Variants in TRAP1 observed in about 807,000 individuals in gnomAD.
TRAP1 encodes heat shock protein 75 kDa, mitochondrial.
A neutral mutation model predicts 89.1 loss-of-function variants in TRAP1; 102 were observed. The observed-to-expected ratio is 1.15, with a 90% CI of 0.98 to 1.35. The LOEUF (loss-of-function observed/expected upper bound fraction) is 1.35, where lower values mean the gene tolerates loss of function less well. Among genes scored for constraint, TRAP1 ranks in the 40% most tolerant of loss-of-function variants. The probability of loss-of-function intolerance (pLI) is 0.00; values close to 1 mark genes in which losing one functional copy is unlikely to be tolerated. For missense variants in TRAP1, 1,256 were observed against 945.3 expected, an observed-to-expected ratio of 1.33 and a Z score of -4.31; for synonymous variants, 508 against 388.0, an observed-to-expected ratio of 1.31 and a Z score of -3.64.
At chr16:3,674,247 C>G (rs1596712233) in intron 9 of TRAP1, 92 bp downstream of exon 9, 1 of 1,516,290 alleles carries the variant, frequency 6.6e-7, no homozygotes, top group South Asian at 1.2e-5. Context: ...TGCCCTCACA[C>G]TGCCATGTTA....
intron 1 of TRAP1, among the ~76,000 whole-genome samples, chr16:3,713,342 G>A (rs568039023): frequency 4.2e-4 from 64 of 152,322 alleles, no homozygotes; most frequent in African/African-American, 1.4e-3. Context: ...ACCACCTACA[G>A]GAGCGGGGTC....
chr16:3,674,202 TG>T, intron 9 of TRAP1, 136 bp downstream of exon 9: 1 of 1,227,590 alleles, frequency 8.1e-7, no homozygotes, highest in Non-Finnish European at 1.1e-6. Flanking sequence ...ATAACAGGCG[TG>T]AGCCACCACA....
chr16:3,662,743 A>T, intron 15 of TRAP1, 139 bp downstream of exon 15: 1 of 796,996 alleles, frequency 1.3e-6, no homozygotes, highest in Non-Finnish European at 2.1e-6. Flanking sequence ...GCAGGGACCC[A>T]CAGGGTCTCC....
chr16:3,698,771 T>G (rs141296693), intron 1 of TRAP1, among the ~76,000 whole-genome samples: 6 of 151,928 alleles, frequency 3.9e-5, no homozygotes, highest in Admixed American at 3.3e-4. Context: ...TGGTGGTGCA[T>G]GCCTGTAGTC....
At chr16:3,669,582 C>G (rs949410825) in intron 11 of TRAP1, among the ~76,000 whole-genome samples, 3 of 151,998 alleles carry the variant, frequency 2.0e-5, no homozygotes, top group African/African-American at 7.3e-5. Flanking sequence ...CACCTGTAAT[C>G]CCAGAACTTT....
Position 3,662,111 on chromosome 16 carries a change from G to A in TRAP1, c.1816C>T (p.His606Tyr). ...TCCAGCACGGTGACCATGGCAGGGT[G>A]GGTGTCCAGTCGGAGGGTCACCTGT... ...NVKVTLRLDT[H>Y]PAMVTVLEMG... The change falls in exon 16 of 18, where the codon CAC (histidine) becomes TAC (tyrosine). Residue 606 changes from histidine to tyrosine, a missense_variant. His to Tyr is a moderately conservative substitution (Grantham distance 83, BLOSUM62 2). Transcript: ENST00000246957. 1 of 1,612,962 alleles carries A rather than the reference G, an allele frequency of 6.2e-7. No homozygotes were observed. The highest frequency in any genetic ancestry group is 8.5e-7 in the Non-Finnish European group (1 of 1,179,734).
rs1332263897 is a variant in TRAP1 at position 3,686,138 on chromosome 16, T to C, written c.331-2A>G. On this transcript the variant is annotated splice_acceptor_variant, in intron 3 of 17. Transcript: ENST00000246957. LOFTEE classifies it high-confidence loss of function. ...GGAGATCAGCTCCCGTATAAACACCTACAGGAATAGAAATGGGAGGCACAG... is the reference window on the plus strand; with the variant it reads ...GGAGATCAGCTCCCGTATAAACACCCACAGGAATAGAAATGGGAGGCACAG... 1 of 1,613,546 alleles carries C rather than the reference T, an allele frequency of 6.2e-7. No individual in the cohort carries two copies. The highest frequency in any genetic ancestry group is 8.5e-7 in the Non-Finnish European group (1 of 1,179,706).
At position 3,674,464 on chromosome 16, in the gene TRAP1, G is replaced by T. The variant is rs13926; in HGVS notation, c.919C>A (p.Arg307Ser). ...AIWMMDPKDVREWQHEEFYRY... is the reference protein window; with the variant it reads ...AIWMMDPKDVSEWQHEEFYRY... Reference sequence around the variant, plus strand: ...TAGAACTCCTCATGTTGCCACTCACGGACATCCTTGGGGTCCATCATCCAG... The same window carrying T: ...TAGAACTCCTCATGTTGCCACTCACTGACATCCTTGGGGTCCATCATCCAG... Residue 307 changes from arginine (R) to serine (S), a missense_variant, in exon 9 of 18, where the codon CGT (arginine) becomes AGT (serine). Arg to Ser is a moderately radical substitution (Grantham distance 110). Transcript: ENST00000246957. 1.9e-6 allele frequency: 3 copies of T among 1,613,616 alleles called. No individual in the cohort carries two copies. The highest frequency in any genetic ancestry group is 1.1e-5 in the South Asian group (1 of 91,076).
intron 1 of TRAP1, among the ~76,000 whole-genome samples, chr16:3,713,963 ACTG>A (rs2051564782): frequency 6.6e-6 from 1 of 152,098 alleles, no homozygotes; most frequent in Admixed American, 6.5e-5. Flanking sequence ...AAAAGACACA[ACTG>A]CTAGCCTCAT....
chr16:3,671,029 A>G (rs2151250411), intron 11 of TRAP1, among the ~76,000 whole-genome samples: 1 of 152,310 alleles, frequency 6.6e-6, no homozygotes, highest in Non-Finnish European at 1.5e-5. Context: ...ACTGGAGAGA[A>G]ACCGGTGGGC....
At chr16:3,695,005 A>T (rs767271680) in intron 1 of TRAP1, among the ~76,000 whole-genome samples, 3 of 152,000 alleles carry the variant, frequency 2.0e-5, no homozygotes, top group Non-Finnish European at 4.4e-5. Context: ...GTGGGTGGTC[A>T]TCTTCTCCCT....
At chr16:3,696,965 G>C (rs1478386275) in intron 1 of TRAP1, among the ~76,000 whole-genome samples, 1 of 152,128 alleles carries the variant, frequency 6.6e-6, no homozygotes, top group African/African-American at 2.4e-5. Flanking sequence ...GAGCTCAAGT[G>C]ATCCCCCGGC....
At chr16:3,660,628 T>C (rs2043017852) in intron 16 of TRAP1, 1 of 152,250 alleles carries the variant, frequency 6.6e-6, no homozygotes, top group Non-Finnish European at 1.5e-5. Flanking sequence ...TGCTGTGCAC[T>C]GACAGCCATA....
At chr16:3,664,541 A>G (rs1322088875) in intron 12 of TRAP1, 82 bp from the exon 13 acceptor site, 2 of 1,437,304 alleles carry the variant, frequency 1.4e-6, no homozygotes, top group Non-Finnish European at 1.9e-6. Context: ...AAACCCTCCG[A>G]TGCCCATGGC....
chr16:3,663,117 C>T (rs2043176935), intron 14 of TRAP1, 150 bp from the exon 15 acceptor site: 6 of 701,194 alleles, frequency 8.6e-6, no homozygotes, highest in Non-Finnish European at 1.2e-5. Flanking sequence ...AAAAGTAAAA[C>T]CTCAAAGGAT....
At chr16:3,706,441 T>C (rs1355446402) in intron 1 of TRAP1, among the ~76,000 whole-genome samples, 1 of 146,306 alleles carries the variant, frequency 6.8e-6, no homozygotes, top group Non-Finnish European at 1.5e-5. Context: ...CCACCACTCC[T>C]GGCCTATTTG....
chr16:3,690,533 T>C (rs1476387285), intron 2 of TRAP1, among the ~76,000 whole-genome samples: 6 of 152,172 alleles, frequency 3.9e-5, no homozygotes, highest in Non-Finnish European at 5.9e-5. Flanking sequence ...AATGCTGAGT[T>C]TCCCCTCCCG....
Position 3,658,123 on chromosome 16 carries a change from TGGCTGTCAGTGTCGCTCCAG to T in TRAP1, c.2101_*5del, listed in dbSNP as rs1380987022. Reference sequence around the variant, plus strand: ...TGTGGTGTCAGTCCTTCTGGCCCCCTGGCTGTCAGTGTCGCTCCAGGGCCTTGACAAGCAGCTCATTCAAG... The same window carrying T: ...TGTGGTGTCAGTCCTTCTGGCCCCCTGGCCTTGACAAGCAGCTCATTCAAG... On this transcript the variant is annotated stop_lost and 3_prime_UTR_variant, in exon 18 of 18. Transcript: ENST00000246957. The T allele has an allele frequency of 1.9e-6, 3 of 1,613,896 alleles. No homozygotes were observed. In the Admixed American group the frequency reaches 5.0e-5, roughly 27 times the overall value.
chr16:3,673,061 CAA>C (rs1418849109), intron 9 of TRAP1, among the ~76,000 whole-genome samples: 1 of 152,084 alleles, frequency 6.6e-6, no homozygotes, highest in Non-Finnish European at 1.5e-5. Flanking sequence ...AAGGAGGACA[CAA>C]GAGAGTGAAC....
Sources: allele counts gnomAD v4.1 joint callset (sites outside exome capture counted in the v4.1 genomes callset), GRCh38; gene constraint gnomAD v4.1.1; transcripts MANE v1.5; gene names NCBI Gene and HGNC (gene_info 2026-07-23, HGNC 2026-07-21).